The following STK3 variants were observed in gnomAD, a reference collection of about 807,000 sequenced individuals.
The protein encoded by STK3 is serine/threonine kinase 3, also known as serine/threonine-protein kinase 3.
Under a neutral mutation model 58.0 loss-of-function variants are expected in STK3, and 41 were observed. That is an observed-to-expected ratio of 0.71 (90% CI 0.55 to 0.92). The LOEUF (loss-of-function observed/expected upper bound fraction) is 0.92. Ranked by LOEUF, STK3 falls within the 40% of genes least tolerant of loss-of-function variation. The pLI is 0.00. For synonymous variants in STK3, 170 were observed against 191.0 expected, an observed-to-expected ratio of 0.89 and a Z score of 0.91; for missense variants, 479 against 602.7, an observed-to-expected ratio of 0.79 and a Z score of 2.15.
At chr8:98,604,564 T>G (rs1377197088) in intron 6 of STK3, among the ~76,000 whole-genome samples, 1 of 152,006 alleles carries the variant, frequency 6.6e-6, no homozygotes, top group Non-Finnish European at 1.5e-5. Flanking sequence ...CTAGTAGAGG[T>G]TCTCATGAAA....
intron 1 of STK3, among the ~76,000 whole-genome samples, chr8:98,887,843 C>T (rs188017629): frequency 1.3e-5 from 2 of 152,302 alleles, no homozygotes; most frequent in African/African-American, 4.8e-5. Context: ...GGACAAAGTA[C>T]CACAAAGCCA....
chr8:98,681,740 C>T (rs1823658104), intron 6 of STK3, among the ~76,000 whole-genome samples: 1 of 152,188 alleles, frequency 6.6e-6, no homozygotes, highest in Non-Finnish European at 1.5e-5. Context: ...TCCCATTCTA[C>T]CCCTAAACTC....
At chr8:98,670,417 G>A (rs1795991039) in intron 6 of STK3, among the ~76,000 whole-genome samples, 1 of 152,096 alleles carries the variant, frequency 6.6e-6, no homozygotes, top group African/African-American at 2.4e-5. Context: ...ACTGACACAT[G>A]ATAAGCAATA....
At chr8:98,539,163 G>C (rs1810023068) in intron 9 of STK3, among the ~76,000 whole-genome samples, 1 of 152,148 alleles carries the variant, frequency 6.6e-6, no homozygotes, top group Non-Finnish European at 1.5e-5. Flanking sequence ...CATCCTTAGT[G>C]ATTTACTCCT....
intron 3 of STK3, among the ~76,000 whole-genome samples, chr8:98,843,285 A>G (rs1188855456): frequency 1.3e-5 from 2 of 152,198 alleles, no homozygotes; most frequent in African/African-American, 2.4e-5. Context: ...TTGATGATCC[A>G]GCCCAAACTG....
chr8:98,397,485 G>A (rs1006009961), downstream of STK3, among the ~76,000 whole-genome samples: 3 of 152,192 alleles, frequency 2.0e-5, no homozygotes, highest in Admixed American at 6.5e-5. Flanking sequence ...GCAGTGAGCC[G>A]TGATCATGAC....
intron 6 of STK3, among the ~76,000 whole-genome samples, chr8:98,680,031 AT>A (rs1468932725): frequency 6.6e-6 from 1 of 152,158 alleles, no homozygotes; most frequent in Non-Finnish European, 1.5e-5. Context: ...CTAAAATCAT[AT>A]TGTTACTCTT....
At chr8:98,817,309 C>G (rs1057416935) in intron 1 of STK3, among the ~76,000 whole-genome samples, 1 of 152,120 alleles carries the variant, frequency 6.6e-6, no homozygotes, top group Non-Finnish European at 1.5e-5. Context: ...CAAAAATTAG[C>G]TGGGTGTGGT....
At chr8:98,672,928 G>T (rs920717806) in intron 6 of STK3, among the ~76,000 whole-genome samples, 3 of 152,020 alleles carry the variant, frequency 2.0e-5, no homozygotes, top group Non-Finnish European at 4.4e-5. Flanking sequence ...TAATTATTGT[G>T]AAATACTTCA....
chr8:98,438,685 T>C (rs1019723983), intron 1 of STK3: 4 of 142,876 alleles, frequency 2.8e-5, no homozygotes, highest in Admixed American at 7.4e-5. Context: ...TATCTATGTG[T>C]GTGTATGTGG....
intron 1 of STK3, chr8:98,890,026 C>T (rs1838137361): frequency 6.6e-6 from 1 of 152,248 alleles, no homozygotes; most frequent in African/African-American, 2.4e-5. Flanking sequence ...GCCTCTAGTT[C>T]CGGAAGATCC....
chr8:98,817,219 C>T (rs1177950393), intron 1 of STK3, among the ~76,000 whole-genome samples: 2 of 151,994 alleles, frequency 1.3e-5, no homozygotes, highest in Non-Finnish European at 1.5e-5. Flanking sequence ...TTTGGGAAGC[C>T]GAGGTGGGTG....
chr8:98,749,824 C>T (rs1587508785), intron 3 of STK3, among the ~76,000 whole-genome samples: 1 of 152,028 alleles, frequency 6.6e-6, no homozygotes, highest in Non-Finnish European at 1.5e-5. Context: ...TTCTTTCATT[C>T]TGGCTTTTGA....
intron 1 of STK3, among the ~76,000 whole-genome samples, chr8:98,796,738 G>A (rs556543091): frequency 3.9e-5 from 6 of 152,186 alleles, no homozygotes; most frequent in African/African-American, 1.4e-4. Context: ...TCTAGAATCT[G>A]TAAGAAACTT....
downstream of STK3, among the ~76,000 whole-genome samples, chr8:98,367,383 G>A (rs147663865): frequency 9.8e-4 from 149 of 152,268 alleles, 1 homozygote; most frequent in African/African-American, 3.2e-3. Flanking sequence ...TCTTTGGATC[G>A]CTCCCCCTTC....
At chr8:98,389,303 G>A (rs984984491), upstream of STK3, among the ~76,000 whole-genome samples, 2 of 152,010 alleles carry the variant, frequency 1.3e-5, no homozygotes, top group Non-Finnish European at 2.9e-5. Flanking sequence ...TTGGCACTCC[G>A]AAATGACATT....
At chr8:98,501,173 T>C (rs916473725) in intron 10 of STK3, among the ~76,000 whole-genome samples, 1 of 152,066 alleles carries the variant, frequency 6.6e-6, no homozygotes, top group Non-Finnish European at 1.5e-5. Flanking sequence ...ATGATGAGTA[T>C]TTTTTCATGT....
chr8:98,503,690 G>A (rs560293877), intron 10 of STK3, among the ~76,000 whole-genome samples: 16 of 152,256 alleles, frequency 1.1e-4, no homozygotes, highest in Non-Finnish European at 1.6e-4. Flanking sequence ...AGGTTGTTCC[G>A]TTTCTGTGTA....
chr8:98,778,040 A>G (rs1831821011), intron 1 of STK3, among the ~76,000 whole-genome samples: 1 of 152,226 alleles, frequency 6.6e-6, no homozygotes, highest in Non-Finnish European at 1.5e-5. Context: ...GGATCTAATT[A>G]AACTAAAGAG....
Sources: allele counts gnomAD v4.1 joint callset (sites outside exome capture counted in the v4.1 genomes callset), GRCh38; gene constraint gnomAD v4.1.1; transcripts MANE v1.5; gene names NCBI Gene and HGNC (gene_info 2026-07-23, HGNC 2026-07-21).